The following ASNS variants were observed in gnomAD, a reference collection of about 807,000 sequenced individuals.
ASNS encodes asparagine synthetase (glutamine-hydrolyzing).
In ASNS, 37 loss-of-function variants were observed where a neutral mutation model predicts 62.6. The observed-to-expected ratio is 0.59, with a 90% CI of 0.45 to 0.78. The LOEUF is 0.78. Among genes scored for constraint, ASNS ranks in the 30% least tolerant of loss-of-function variants. The probability of loss-of-function intolerance (pLI) is 0.00; values close to 1 mark genes in which losing one functional copy is unlikely to be tolerated. For synonymous variants in ASNS, 207 were observed against 237.9 expected, an observed-to-expected ratio of 0.87 and a Z score of 1.19; for missense variants, 520 against 682.4, an observed-to-expected ratio of 0.76 and a Z score of 2.65.
At chr7:97,896,658 G>A in the ASNS span, among the ~76,000 whole-genome samples, 13 of 110,170 alleles carry the variant, frequency 1.2e-4, no homozygotes, top group African/African-American at 3.9e-4. Flanking sequence ...GTATATATAC[G>A]TATATATGTA....
rs1251119104 is a variant in ASNS, at chr7:97,869,197, G to T, written c.-23-18C>A. On this transcript the variant is annotated intron_variant, in intron 2 of 12. Transcript: ENST00000394308. ...TAAGCTTTCTATGGAGAGAAAAGCA[G>T]ACAAATCAAAAATATTCAATATCCA... 1 of 1,599,706 alleles carries T rather than the reference G, an allele frequency of 6.3e-7. No homozygotes were observed. The highest frequency in any genetic ancestry group is 8.5e-7 in the Non-Finnish European group (1 of 1,170,322).
the ASNS span, chr7:97,913,236 C>T: frequency 1.3e-5 from 2 of 152,266 alleles, no homozygotes. Context: ...GATCACTCAA[C>T]TCTGCCATGG....
At chr7:97,884,660 C>G in the ASNS span, among the ~76,000 whole-genome samples, 1 of 152,084 alleles carries the variant, frequency 6.6e-6, no homozygotes, top group African/African-American at 2.4e-5. Flanking sequence ...TGAACTCATC[C>G]CACCCCCTAG....
intron 6 of ASNS, among the ~76,000 whole-genome samples, 157 bp from the exon 7 acceptor site, chr7:97,858,562 T>C (rs1412641665): frequency 6.6e-6 from 1 of 152,118 alleles, no homozygotes; most frequent in African/African-American, 2.4e-5. Flanking sequence ...AAGAGAAAAA[T>C]ATATAAACTG....
the ASNS span, among the ~76,000 whole-genome samples, chr7:97,892,281 G>A: frequency 6.6e-6 from 1 of 152,134 alleles, no homozygotes; most frequent in African/African-American, 2.4e-5. Flanking sequence ...GGGTCCCTGG[G>A]TCCAGGCCAC....
the ASNS span, among the ~76,000 whole-genome samples, chr7:97,901,992 C>A: frequency 1.3e-5 from 2 of 151,982 alleles, no homozygotes; most frequent in African/African-American, 2.4e-5. Context: ...AAAAAAAAAC[C>A]CTTAAGTGTG....
the ASNS span, among the ~76,000 whole-genome samples, chr7:97,894,107 C>T: frequency 6.6e-6 from 1 of 151,410 alleles, no homozygotes; most frequent in East Asian, 2.0e-4. Flanking sequence ...GGACATTAAA[C>T]ATGCTATTGA....
intron 4 of ASNS, chr7:97,864,019 G>C: frequency 2.4e-6 from 1 of 420,760 alleles, no homozygotes. Flanking sequence ...GCTAGATGTA[G>C]AGCATATTAG....
intron 1 of ASNS, chr7:97,870,271 G>T (rs1792191292): frequency 3.1e-6 from 2 of 635,914 alleles, no homozygotes; most frequent in Non-Finnish European, 5.4e-6. Flanking sequence ...TCCGTTTTGA[G>T]AATGTCAATG....
the ASNS span, among the ~76,000 whole-genome samples, chr7:97,893,766 T>C: frequency 2.0e-5 from 3 of 152,168 alleles, no homozygotes; most frequent in Admixed American, 6.5e-5. Flanking sequence ...TAGAGTCCAA[T>C]ACAATGATAG....
At chr7:97,879,027 C>A in the ASNS span, among the ~76,000 whole-genome samples, 1 of 152,104 alleles carries the variant, frequency 6.6e-6, no homozygotes, top group Non-Finnish European at 1.5e-5. Context: ...ACAAACCTGA[C>A]AAAAACAAGC....
chr7:97,898,251 C>T, the ASNS span: 1 of 347,304 alleles, frequency 2.9e-6, no homozygotes, highest in East Asian at 1.1e-4. Flanking sequence ...TGCACCACCA[C>T]ACCAGGCTAA....
the ASNS span, among the ~76,000 whole-genome samples, chr7:97,883,958 G>A: frequency 2.2e-4 from 32 of 146,864 alleles, no homozygotes; most frequent in African/African-American, 6.7e-4. Flanking sequence ...ACTGCACTCC[G>A]GCCTGGGCGA....
the ASNS span, among the ~76,000 whole-genome samples, chr7:97,927,117 A>G: frequency 7.4e-4 from 79 of 106,822 alleles, no homozygotes; most frequent in Admixed American, 1.4e-3. Context: ...ATGAGGCTTC[A>G]CCATGTTGCC....
At position 97,851,951 on chromosome 7, in the gene ASNS, G is replaced by C. The variant is rs993429512; in HGVS notation, c.*308C>G. Reference sequence around the variant, plus strand: ...CAAGGACTGGAAGGAAGCCACACGGGCACAAGATGCAAATGTCATCTAAAG... The same window carrying C: ...CAAGGACTGGAAGGAAGCCACACGGCCACAAGATGCAAATGTCATCTAAAG... On this transcript the variant is annotated 3_prime_UTR_variant, in exon 13 of 13. Transcript: ENST00000394308. The C allele has an allele frequency of 5.8e-6, 2 of 346,714 alleles. No individual in the cohort carries two copies. Among genetic ancestry groups the C allele is most frequent in the African/African-American group, 4.2e-5 (2 of 47,796 alleles). The allele number at this position is 346,714 out of a possible 1,614,324, so 21.5% of individuals were successfully genotyped here. A position where few individuals can be genotyped will look rare whatever the true frequency, so the allele number is the denominator to read the frequency against.
chr7:97,913,162 C>T, the ASNS span: 2 of 152,108 alleles, frequency 1.3e-5, no homozygotes, highest in Non-Finnish European at 2.9e-5. Flanking sequence ...CATTGTCAGC[C>T]CCCTCCCCCA....
intron 8 of ASNS, among the ~76,000 whole-genome samples, 153 bp from the exon 9 acceptor site, chr7:97,855,612 A>G (rs559691452): frequency 6.6e-6 from 1 of 152,246 alleles, no homozygotes; most frequent in Non-Finnish European, 1.5e-5. Context: ...CCTTGTATTT[A>G]TAAGCCATTT....
Position 97,869,178 on chromosome 7 carries a change from T to C in ASNS, c.-22A>G. The C allele has an allele frequency of 6.2e-7, 1 of 1,607,382 alleles. No homozygotes were observed. The highest frequency in any genetic ancestry group is 2.2e-5 in the East Asian group (1 of 44,700). ...ACATGGTGCAATGAAGCTATAAGCT[T>C]TCTATGGAGAGAAAAGCAGACAAAT... is the stretch of plus-strand genomic sequence containing the variant. On this transcript the variant is annotated splice_region_variant and 5_prime_UTR_variant, in exon 3 of 13. Transcript: ENST00000394308.
the ASNS span, among the ~76,000 whole-genome samples, chr7:97,910,347 T>C: frequency 1.3e-5 from 2 of 152,118 alleles, no homozygotes; most frequent in African/African-American, 4.8e-5. Context: ...AAAAAGGCAC[T>C]AAAAGAAACC....
Sources: allele counts gnomAD v4.1 joint callset (sites outside exome capture counted in the v4.1 genomes callset), GRCh38; gene constraint gnomAD v4.1.1; transcripts MANE v1.5; gene names NCBI Gene and HGNC (gene_info 2026-07-23, HGNC 2026-07-21).